The following CALHM4 variants were observed in gnomAD, a reference collection of about 807,000 sequenced individuals.
CALHM4 encodes the protein calcium homeostasis modulator family member 4, also known as calcium homeostasis modulator protein 4.
A neutral mutation model predicts 13.3 loss-of-function variants in CALHM4; 16 were observed. The observed-to-expected ratio is 1.20, with a 90% CI of 0.81 to 1.82. The LOEUF is 1.82. CALHM4 is among the 40% of genes most tolerant of loss of function. The pLI, the probability that CALHM4 is intolerant of heterozygous loss-of-function variation, is 0.00. For missense variants in CALHM4, 344 were observed against 374.9 expected (o/e 0.92, Z 0.68); for synonymous variants, 127 against 137.1 (o/e 0.93, Z 0.52).
intron 1 of CALHM4, among the ~76,000 whole-genome samples, chr6:116,557,517 T>C (rs1017425534): frequency 2.0e-5 from 3 of 152,194 alleles, no homozygotes; most frequent in African/African-American, 7.2e-5. Flanking sequence ...ATGTATCATA[T>C]GTAAGGTTAA....
At position 116,560,025 on chromosome 6, in the gene CALHM4, TA is replaced by T. The variant is rs1290956820; in HGVS notation, c.*1819del. On this transcript the variant is annotated 3_prime_UTR_variant, in exon 2 of 2. Coordinates refer to ENST00000368596, the MANE Select transcript of CALHM4 (RefSeq NM_001366078.2). ...TGATATGACATTACATGAAGGATGT[TA>T]AAAATACAAATAGAAGTATGTTGTG... Among the ~76,000 whole-genome samples the T allele has an allele frequency of 6.6e-6, 1 of 152,194 alleles. No homozygotes were observed. The highest frequency in any genetic ancestry group is 1.5e-5 in the Non-Finnish European group (1 of 68,018).
intron 1 of CALHM4, among the ~76,000 whole-genome samples, chr6:116,541,983 A>G (rs966714152): frequency 3.3e-5 from 5 of 152,178 alleles, no homozygotes; most frequent in Non-Finnish European, 4.4e-5. Context: ...TTATTCTTTA[A>G]TATTTCTTTC....
At chr6:116,548,832 A>G (rs1773920956), upstream of CALHM4, among the ~76,000 whole-genome samples, 1 of 152,228 alleles carries the variant, frequency 6.6e-6, no homozygotes, top group Admixed American at 6.5e-5. Context: ...AGTATTGAAT[A>G]TCTCATGTAA....
At chr6:116,533,073 C>A (rs1772842391) in intron 1 of CALHM4, among the ~76,000 whole-genome samples, 1 of 152,178 alleles carries the variant, frequency 6.6e-6, no homozygotes, top group Non-Finnish European at 1.5e-5. Context: ...AGCTTAAGGG[C>A]CAGTCTGCCA....
rs988957428 is a variant in CALHM4 at position 116,559,049 on chromosome 6, G to A, written c.*838G>A. 5.9e-5 allele frequency among the ~76,000 whole-genome samples: 9 copies of A among 152,120 alleles called. No individual in the cohort carries two copies. The highest frequency in any genetic ancestry group is 7.4e-5 in the Non-Finnish European group (5 of 68,020). On this transcript the variant is annotated 3_prime_UTR_variant, in exon 2 of 2. Transcript: ENST00000368596. ...GCACCTTTGCACTCAAAATCCATTT[G>A]TGAAACCAAAACTGCAGTCTGTACT...
chr6:116,551,163 C>T (rs955932081), upstream of CALHM4, among the ~76,000 whole-genome samples: 5 of 152,278 alleles, frequency 3.3e-5, no homozygotes, highest in South Asian at 2.1e-4. Context: ...GATGCACCCC[C>T]GTGACCTTAT....
intron 1 of CALHM4, among the ~76,000 whole-genome samples, chr6:116,531,860 A>G (rs1321858241): frequency 2.0e-5 from 3 of 149,610 alleles, no homozygotes; most frequent in Non-Finnish European, 4.4e-5. Context: ...ATTTAATATA[A>G]TTAAAATTTA....
At chr6:116,548,398 C>T (rs887706384) in intron 2 of CALHM4, among the ~76,000 whole-genome samples, 5 of 152,120 alleles carry the variant, frequency 3.3e-5, no homozygotes, top group African/African-American at 9.7e-5. Flanking sequence ...ATTGATTACT[C>T]ATAAATGTAA....
rs1355419594 is a variant in CALHM4 at position 116,545,474 on chromosome 6, A to G, written c.-1+1602A>G. 5 of 1,545,908 alleles carry G rather than the reference A, an allele frequency of 3.2e-6. No individual in the cohort carries two copies. Among genetic ancestry groups the G allele is most frequent in the East Asian group, 2.5e-5 (1 of 40,758 alleles). The stretch of plus-strand genomic sequence containing the variant: ...AATCTCTTTGTAGAAAGATCTTACT[A>G]TTTTATGGTATTCTGGTCTTCGGTG... On this transcript the variant is annotated intron_variant, in intron 2 of 2. Transcript: ENST00000368597.
chr6:116,532,240 T>C (rs1210476934), intron 1 of CALHM4, among the ~76,000 whole-genome samples: 1 of 150,934 alleles, frequency 6.6e-6, no homozygotes, highest in East Asian at 2.3e-4. Context: ...TGAAAAGTTC[T>C]TCTAGTATTT....
chr6:116,549,170 C>T (rs1745148994), upstream of CALHM4, among the ~76,000 whole-genome samples: 1 of 152,102 alleles, frequency 6.6e-6, no homozygotes, highest in African/African-American at 2.4e-5. Flanking sequence ...ACCTGTAATC[C>T]TAGCTGCTTG....
Position 116,559,586 on chromosome 6 carries a change from CAGG to C in CALHM4, c.*1378_*1380del, listed in dbSNP as rs1222522561. Among the ~76,000 whole-genome samples the C allele has an allele frequency of 6.6e-5, 10 of 152,158 alleles. No homozygotes were observed. Among genetic ancestry groups the C allele is most frequent in the African/African-American group, 2.4e-4 (10 of 41,450 alleles). ...TGCATATTGTAGCTCTTTGCTGGGA[CAGG>C]AGAACTGTCCTGCCCTCACCATTAC... On this transcript the variant is annotated 3_prime_UTR_variant, in exon 2 of 2. Coordinates refer to ENST00000368596, the MANE Select transcript of CALHM4 (RefSeq NM_001366078.2).
intron 1 of CALHM4, among the ~76,000 whole-genome samples, chr6:116,530,902 C>CACATATATAT: frequency 1.3e-5 from 1 of 76,484 alleles, no homozygotes; most frequent in Non-Finnish European, 2.4e-5. Context: ...AAGTGAGACT[C>CACATATATAT]ATATATATAT....
chr6:116,551,805 TA>T (rs1300854993), upstream of CALHM4, among the ~76,000 whole-genome samples: 1 of 152,220 alleles, frequency 6.6e-6, no homozygotes, highest in African/African-American at 2.4e-5. Context: ...CCAAAGTGGT[TA>T]CTCCATTTCA....
At chr6:116,553,302 C>T (rs1367915409), upstream of CALHM4, among the ~76,000 whole-genome samples, 1 of 152,166 alleles carries the variant, frequency 6.6e-6, no homozygotes, top group East Asian at 1.9e-4. Flanking sequence ...TAGCAGAACC[C>T]TTAGGAACAT....
At chr6:116,546,517 G>A (rs542575865) in intron 2 of CALHM4, among the ~76,000 whole-genome samples, 165 of 152,286 alleles carry the variant, frequency 1.1e-3, no homozygotes, top group African/African-American at 3.6e-3. Flanking sequence ...ATACTTTGAC[G>A]AAAAGTGTGG....
rs1199768516 is a variant in CALHM4 at position 116,559,525 on chromosome 6, T to C, written c.*1314T>C. Among the ~76,000 whole-genome samples, 1 of 152,188 alleles carries C rather than the reference T, an allele frequency of 6.6e-6. No homozygotes were observed. Among genetic ancestry groups the C allele is most frequent in the Non-Finnish European group, 1.5e-5 (1 of 68,022 alleles). Reference sequence around the variant, plus strand: ...AAAATGAATTTTTAAGAAATCAAAATGTTTTCAGGTTTTGTTTTGTCCTTC... The same window carrying C: ...AAAATGAATTTTTAAGAAATCAAAACGTTTTCAGGTTTTGTTTTGTCCTTC... On this transcript the variant is annotated 3_prime_UTR_variant, in exon 2 of 2. Transcript: ENST00000368596.
chr6:116,549,110 C>T (rs1773936471), upstream of CALHM4, among the ~76,000 whole-genome samples: 1 of 152,110 alleles, frequency 6.6e-6, no homozygotes, highest in African/African-American at 2.4e-5. Context: ...CATGGCAAAA[C>T]CCCATCTCTA....
intron 2 of CALHM4, among the ~76,000 whole-genome samples, chr6:116,546,298 G>T (rs554620658): frequency 6.6e-6 from 1 of 152,084 alleles, no homozygotes; most frequent in East Asian, 1.9e-4. Context: ...GCTATTGAAG[G>T]CTCTCTTTAT....
Sources: allele counts gnomAD v4.1 joint callset (sites outside exome capture counted in the v4.1 genomes callset), GRCh38; gene constraint gnomAD v4.1.1; transcripts MANE v1.5; gene names NCBI Gene and HGNC (gene_info 2026-07-23, HGNC 2026-07-21).